The following CAMTA1 variants were observed in gnomAD, a reference collection of about 807,000 sequenced individuals.
The protein encoded by CAMTA1 is calmodulin-binding transcription activator 1.
CAMTA1 carries 27 observed loss-of-function variants against 170.9 expected under a neutral mutation model. The observed-to-expected ratio is 0.16, with a 90% CI of 0.12 to 0.22. The LOEUF (loss-of-function observed/expected upper bound fraction) is 0.22. Among genes scored for constraint, CAMTA1 ranks in the 10% least tolerant of loss-of-function variants. The probability of loss-of-function intolerance (pLI) is 1.00; values close to 1 mark genes in which losing one functional copy is unlikely to be tolerated. For missense variants in CAMTA1, 1,619 were observed against 2,217.2 expected (o/e 0.73, Z 5.42); for synonymous variants, 833 against 891.5 (o/e 0.93, Z 1.17).
chr1:7,265,368 T>C (rs754961357), intron 5 of CAMTA1, among the ~76,000 whole-genome samples: 6 of 152,174 alleles, frequency 3.9e-5, no homozygotes, highest in Non-Finnish European at 8.8e-5. Context: ...GGTTAGAATG[T>C]AGTAGCACTA....
chr1:6,794,444 A>G (rs904987313), intron 1 of CAMTA1, among the ~76,000 whole-genome samples: 4 of 152,232 alleles, frequency 2.6e-5, no homozygotes, highest in African/African-American at 9.6e-5. Flanking sequence ...TTGCATTTTA[A>G]CTTAATAAGA....
chr1:7,540,373 G>A (rs559660792), intron 6 of CAMTA1, among the ~76,000 whole-genome samples: 3 of 152,232 alleles, frequency 2.0e-5, no homozygotes, highest in Admixed American at 1.3e-4. Flanking sequence ...ATTTTACCAG[G>A]AGAGAACCCT....
chr1:7,017,693 A>G (rs548162849), intron 3 of CAMTA1, among the ~76,000 whole-genome samples: 46 of 152,276 alleles, frequency 3.0e-4, no homozygotes, highest in African/African-American at 1.1e-3. Context: ...TGGGATCGCC[A>G]CATTCTTGTT....
chr1:7,323,427 A>G (rs1678758868), intron 5 of CAMTA1, among the ~76,000 whole-genome samples: 1 of 147,804 alleles, frequency 6.8e-6, no homozygotes, highest in African/African-American at 2.5e-5. Context: ...AATCCAAACC[A>G]CCCAATTTAA....
At chr1:7,090,909 C>T (rs960993286) in intron 3 of CAMTA1, among the ~76,000 whole-genome samples, 1 of 152,168 alleles carries the variant, frequency 6.6e-6, no homozygotes, top group Non-Finnish European at 1.5e-5. Context: ...ATGAAAGATT[C>T]GTCCAGCTTC....
intron 3 of CAMTA1, among the ~76,000 whole-genome samples, chr1:6,908,373 A>T (rs1426106657): frequency 6.6e-6 from 1 of 152,114 alleles, no homozygotes; most frequent in Non-Finnish European, 1.5e-5. Flanking sequence ...TCTCAAGTTT[A>T]TCTCCTGGCT....
chr1:7,329,418 A>G (rs2082885020), intron 5 of CAMTA1, among the ~76,000 whole-genome samples: 1 of 152,202 alleles, frequency 6.6e-6, no homozygotes, highest in Admixed American at 6.5e-5. Context: ...ATTTGACACC[A>G]AGCTTAGAAC....
chr1:6,795,874 C>T (rs1454929846), intron 1 of CAMTA1, among the ~76,000 whole-genome samples: 3 of 152,126 alleles, frequency 2.0e-5, no homozygotes, highest in Non-Finnish European at 4.4e-5. Context: ...TTAGTCAGCC[C>T]ATAAATCACT....
chr1:6,819,769 G>A (rs1341227084), intron 1 of CAMTA1, among the ~76,000 whole-genome samples: 1 of 152,164 alleles, frequency 6.6e-6, no homozygotes, highest in African/African-American at 2.4e-5. Flanking sequence ...ACTTGATCAT[G>A]TACTTCCTAC....
At chr1:7,713,763 A>G (rs542615960) in intron 11 of CAMTA1, among the ~76,000 whole-genome samples, 7 of 152,310 alleles carry the variant, frequency 4.6e-5, no homozygotes, top group African/African-American at 1.7e-4. Flanking sequence ...TCTTATATGT[A>G]CGTATGTTTC....
At chr1:7,109,050 C>T (rs1643868367) in intron 4 of CAMTA1, among the ~76,000 whole-genome samples, 3 of 152,228 alleles carry the variant, frequency 2.0e-5, no homozygotes, top group Admixed American at 2.0e-4. Flanking sequence ...TCAGTTCCTG[C>T]CACATGGGCC....
intron 4 of CAMTA1, among the ~76,000 whole-genome samples, chr1:7,118,528 A>G (rs1425800605): frequency 6.6e-6 from 1 of 151,860 alleles, no homozygotes; most frequent in African/African-American, 2.4e-5. Context: ...GCATCCCACA[A>G]GAGTGGGATG....
chr1:7,358,163 G>C (rs993380327), intron 5 of CAMTA1, among the ~76,000 whole-genome samples: 3 of 152,214 alleles, frequency 2.0e-5, no homozygotes, highest in African/African-American at 4.8e-5. Flanking sequence ...TGTAGTCACT[G>C]GTCACTGGGG....
At chr1:7,492,826 AACAT>A (rs1179618961) in intron 6 of CAMTA1, among the ~76,000 whole-genome samples, 19 of 134,994 alleles carry the variant, frequency 1.4e-4, no homozygotes, top group African/African-American at 4.9e-4. Context: ...CAGACACACA[AACAT>A]ACAAACACGC....
At chr1:7,273,596 G>A (rs1028371397) in intron 5 of CAMTA1, among the ~76,000 whole-genome samples, 2 of 152,194 alleles carry the variant, frequency 1.3e-5, no homozygotes, top group African/African-American at 4.8e-5. Flanking sequence ...GGGATGAGGG[G>A]TGACTGCTAA....
At chr1:7,331,262 T>A (rs1292274759) in intron 5 of CAMTA1, among the ~76,000 whole-genome samples, 1 of 151,748 alleles carries the variant, frequency 6.6e-6, no homozygotes, top group Admixed American at 6.6e-5. Context: ...ACAAAACACC[T>A]CAGTGAGGTC....
Position 7,251,039 on chromosome 1 carries a change from G to A in CAMTA1, c.438+1413G>A, listed in dbSNP as rs887961406. Among the ~76,000 whole-genome samples the A allele has an allele frequency of 1.3e-5, 2 of 152,212 alleles. No individual in the cohort carries two copies. Among genetic ancestry groups the A allele is most frequent in the East Asian group, 1.9e-4 (1 of 5,180 alleles). On this transcript the variant is annotated intron_variant, in intron 5 of 22. Transcript: ENST00000303635. This position sits in a 1 kb window ranked among gnomAD's most constrained non-coding sequence, Gnocchi z 5.1. ...GAGGGAGAGGTAGAGAGTGAGGCAA[G>A]GCTGGGTGGGGCCCCCGAACAACGA...
intron 6 of CAMTA1, among the ~76,000 whole-genome samples, chr1:7,558,665 G>A (rs2150237902): frequency 6.6e-6 from 1 of 152,308 alleles, no homozygotes; most frequent in East Asian, 1.9e-4. Flanking sequence ...GAAACACACG[G>A]AACTCACCCG....
At chr1:7,311,306 T>A (rs1416796849) in intron 5 of CAMTA1, among the ~76,000 whole-genome samples, 3 of 152,208 alleles carry the variant, frequency 2.0e-5, no homozygotes, top group African/African-American at 4.8e-5. Flanking sequence ...TTTTAAAATC[T>A]TTTTTATTCT....
Sources: allele counts gnomAD v4.1 joint callset (sites outside exome capture counted in the v4.1 genomes callset), GRCh38; gene constraint gnomAD v4.1.1; non-coding constraint Gnocchi (gnomAD v3.1); transcripts MANE v1.5; gene names NCBI Gene and HGNC (gene_info 2026-07-23, HGNC 2026-07-21).